CDH12: variants seen among roughly 807,000 people sequenced by gnomAD.
The protein encoded by CDH12 is cadherin 12, also known as cadherin-12.
Under a neutral mutation model 74.1 loss-of-function variants are expected in CDH12, and 41 were observed. That is an observed-to-expected ratio of 0.55 (90% CI 0.43 to 0.72). The LOEUF (loss-of-function observed/expected upper bound fraction) is 0.72. CDH12 is among the 30% of genes least tolerant of loss of function. CDH12 has a pLI of 0.00. For missense variants in CDH12, 945 were observed against 977.2 expected (o/e 0.97, Z 0.44); for synonymous variants, 399 against 355.0 (o/e 1.12, Z -1.39).
At chr5:22,384,368 C>CA (rs1232746127) in intron 3 of CDH12, among the ~76,000 whole-genome samples, 30 of 149,202 alleles carry the variant, frequency 2.0e-4, no homozygotes, top group African/African-American at 3.7e-4. Context: ...ACTAAAAATA[C>CA]AAAAAAAATT....
At chr5:22,833,968 G>A (rs1736720961) in intron 1 of CDH12, among the ~76,000 whole-genome samples, 1 of 152,076 alleles carries the variant, frequency 6.6e-6, no homozygotes, top group Admixed American at 6.6e-5. Flanking sequence ...TTGAACCAAA[G>A]GACATGACCC....
intron 4 of CDH12, among the ~76,000 whole-genome samples, chr5:22,160,436 G>A (rs1439896235): frequency 1.3e-5 from 2 of 151,944 alleles, no homozygotes; most frequent in African/African-American, 4.8e-5. Context: ...ACGTTGTTTA[G>A]CAAAAGGAGG....
At chr5:22,042,119 C>T (rs971836319) in intron 5 of CDH12, among the ~76,000 whole-genome samples, 4 of 151,156 alleles carry the variant, frequency 2.6e-5, no homozygotes, top group South Asian at 2.1e-4. Context: ...GAAAATGGAA[C>T]GACAATATAC....
At position 22,204,180 on chromosome 5, in the gene CDH12, T is replaced by G. The variant is rs1345689422; in HGVS notation, c.-187+8318A>C. On this transcript the variant is annotated intron_variant, in intron 4 of 14. Coordinates refer to ENST00000382254, the MANE Select transcript of CDH12 (RefSeq NM_004061.5). Reference sequence around the variant, plus strand: ...TTTGTTTGTTTTTTTTTTTTTGTTTTTTGTTTTTTTGAGACGGAGTCTCCC... The same window carrying G: ...TTTGTTTGTTTTTTTTTTTTTGTTTGTTGTTTTTTTGAGACGGAGTCTCCC... Among the ~76,000 whole-genome samples, 28 of 147,436 alleles carry G rather than the reference T, an allele frequency of 1.9e-4. 1 individual carries two copies. The highest frequency in any genetic ancestry group is 3.4e-3 in the Middle Eastern group (1 of 290).
chr5:22,259,345 A>G (rs1033866678), intron 3 of CDH12, among the ~76,000 whole-genome samples: 1 of 152,086 alleles, frequency 6.6e-6, no homozygotes, highest in Non-Finnish European at 1.5e-5. Context: ...TTAAAAAAAC[A>G]TATATTATTG....
intron 1 of CDH12, among the ~76,000 whole-genome samples, chr5:22,729,569 T>C (rs1469981417): frequency 6.6e-6 from 1 of 151,860 alleles, no homozygotes; most frequent in Non-Finnish European, 1.5e-5. Context: ...TTGGGGACTG[T>C]ACTTCTACCA....
At chr5:22,835,697 T>C (rs1736789877) in intron 1 of CDH12, among the ~76,000 whole-genome samples, 1 of 152,210 alleles carries the variant, frequency 6.6e-6, no homozygotes, top group Admixed American at 6.5e-5. Context: ...AAACGATTAA[T>C]CTCACCTTCT....
chr5:22,401,639 A>G (rs1159495966), intron 3 of CDH12, among the ~76,000 whole-genome samples: 2 of 152,160 alleles, frequency 1.3e-5, no homozygotes, highest in Non-Finnish European at 2.9e-5. Flanking sequence ...AGTAGTTCAT[A>G]ATAATGTATA....
chr5:22,819,599 C>T (rs1301311513), intron 1 of CDH12, among the ~76,000 whole-genome samples: 1 of 151,712 alleles, frequency 6.6e-6, no homozygotes, highest in Admixed American at 6.6e-5. Flanking sequence ...GAAAGATATA[C>T]AAGATCATAG....
chr5:22,505,105 T>A (rs998289758), intron 2 of CDH12, among the ~76,000 whole-genome samples, 165 bp downstream of exon 2: 1 of 152,026 alleles, frequency 6.6e-6, no homozygotes, highest in Non-Finnish European at 1.5e-5. Flanking sequence ...TCAAGTTTCA[T>A]GATTTTGTTG....
At chr5:22,392,152 G>T (rs1477996254) in intron 3 of CDH12, among the ~76,000 whole-genome samples, 1 of 152,112 alleles carries the variant, frequency 6.6e-6, no homozygotes, top group African/African-American at 2.4e-5. Context: ...ACTAAATAAC[G>T]ATTCAGGAAT....
chr5:22,120,710 T>G (rs2150274632), intron 4 of CDH12, among the ~76,000 whole-genome samples: 1 of 152,278 alleles, frequency 6.6e-6, no homozygotes, highest in South Asian at 2.1e-4. Context: ...TGATTTTGTT[T>G]ACTTTTCTTT....
At chr5:22,694,112 A>AT (rs1324265056) in intron 1 of CDH12, among the ~76,000 whole-genome samples, 1 of 151,454 alleles carries the variant, frequency 6.6e-6, no homozygotes, top group Non-Finnish European at 1.5e-5. Flanking sequence ...CTAATTTTAA[A>AT]TTTTTTTTGT....
chr5:21,770,823 A>C (rs761020182), intron 11 of CDH12, among the ~76,000 whole-genome samples: 2 of 152,120 alleles, frequency 1.3e-5, no homozygotes, highest in South Asian at 4.1e-4. Flanking sequence ...ATGTCCATCA[A>C]TGGTAGACTG....
intron 6 of CDH12, among the ~76,000 whole-genome samples, chr5:21,894,312 G>A (rs570488606): frequency 1.3e-5 from 2 of 150,220 alleles, no homozygotes; most frequent in Admixed American, 6.6e-5. Flanking sequence ...CCGGGAGGCG[G>A]AGTTTGCAGT....
chr5:22,561,605 G>C (rs2126750286), intron 1 of CDH12, among the ~76,000 whole-genome samples: 1 of 152,176 alleles, frequency 6.6e-6, no homozygotes, highest in East Asian at 1.9e-4. Flanking sequence ...GAATATGAAA[G>C]CTATCTAATA....
intron 1 of CDH12, among the ~76,000 whole-genome samples, chr5:22,831,217 G>A (rs1288425146): frequency 3.3e-5 from 5 of 151,954 alleles, no homozygotes; most frequent in Admixed American, 6.6e-5. Context: ...GGAGGATGAG[G>A]AGAACTCAAG....
intron 1 of CDH12, among the ~76,000 whole-genome samples, chr5:22,641,638 T>A (rs1330213453): frequency 1.3e-5 from 2 of 152,148 alleles, no homozygotes; most frequent in Non-Finnish European, 2.9e-5. Flanking sequence ...TATGCTGGAT[T>A]TTTTCTTGCC....
At chr5:21,773,546 C>T (rs1268550890) in intron 11 of CDH12, among the ~76,000 whole-genome samples, 3 of 152,194 alleles carry the variant, frequency 2.0e-5, no homozygotes, top group Admixed American at 6.5e-5. Context: ...CCCTGGGGCT[C>T]TTGGGCCTTC....
Sources: allele counts gnomAD v4.1 joint callset (sites outside exome capture counted in the v4.1 genomes callset), GRCh38; gene constraint gnomAD v4.1.1; transcripts MANE v1.5; gene names NCBI Gene and HGNC (gene_info 2026-07-23, HGNC 2026-07-21).